The following ZNF469 variants were observed in gnomAD, a reference collection of about 807,000 sequenced individuals.
The protein encoded by ZNF469 is zinc finger protein 469.
Under a neutral mutation model 1.0 loss-of-function variants are expected in ZNF469, and 1 was observed. The observed-to-expected ratio is 1.00, with a 90% CI of 0.35 to 4.73. ZNF469 has a LOEUF of 4.73. Ranked by LOEUF, ZNF469 falls within the 30% of genes most tolerant of loss-of-function variation. ZNF469 has a pLI of 0.16. For synonymous variants in ZNF469, 2,703 were observed against 2,363.4 expected (o/e 1.14, Z -4.17); for missense variants, 6,100 against 5,356.3 (o/e 1.14, Z -4.33).
the ZNF469 span, among the ~76,000 whole-genome samples, chr16:88,208,768 CGCGT>C: frequency 0.57 from 54,207 of 94,394 alleles, 12,072 homozygotes; most frequent in South Asian, 0.62. Flanking sequence ...ATAGTAAATG[CGCGT>C]GCGCGCGCAC....
chr16:88,236,219 G>C, the ZNF469 span, among the ~76,000 whole-genome samples: 1 of 152,274 alleles, frequency 6.6e-6, no homozygotes, highest in Non-Finnish European at 1.5e-5. Flanking sequence ...GGAAAGGGAA[G>C]AGGATTCTCT....
the ZNF469 span, among the ~76,000 whole-genome samples, chr16:88,358,158 G>A: frequency 6.6e-6 from 1 of 152,208 alleles, no homozygotes; most frequent in African/African-American, 2.4e-5. Flanking sequence ...GCACTGCAGC[G>A]TGGGCGTCAG....
chr16:88,208,273 C>T, the ZNF469 span, among the ~76,000 whole-genome samples: 2 of 151,800 alleles, frequency 1.3e-5, no homozygotes, highest in African/African-American at 2.4e-5. Context: ...AGCTCATCTG[C>T]GCTTTCCCTG....
At position 88,392,368 on chromosome 16, in the gene ZNF469, G is replaced by A. The variant is rs1302524099; in HGVS notation, c.-192+9114G>A. ...GCAATCCTGATGCCAAACGCCTAGC[G>A]TAGGTGCCTCCTCCCCAGCCCAGCC... On this transcript the variant is annotated intron_variant, in intron 1 of 2. Coordinates refer to ENST00000565624, the MANE Select transcript of ZNF469 (RefSeq NM_001367624.2). Among the ~76,000 whole-genome samples the A allele has an allele frequency of 5.3e-5, 8 of 152,368 alleles. No homozygotes were observed. In the South Asian group the frequency reaches 1.0e-3, roughly 20 times the overall value.
chr16:88,251,500 T>C, the ZNF469 span, among the ~76,000 whole-genome samples: 1 of 148,272 alleles, frequency 6.7e-6, no homozygotes, highest in African/African-American at 2.5e-5. Flanking sequence ...AGGACAAACA[T>C]TGCCATCTCT....
the ZNF469 span, among the ~76,000 whole-genome samples, chr16:88,311,801 C>T: frequency 6.6e-6 from 1 of 152,192 alleles, no homozygotes. Context: ...CCAACAAGGA[C>T]ATATTGATTT....
At chr16:88,374,698 A>AGTGGGCTGAGCTCAGCACCATGTGCG in the ZNF469 span, among the ~76,000 whole-genome samples, 2 of 120,152 alleles carry the variant, frequency 1.7e-5, no homozygotes, top group African/African-American at 3.9e-5. Flanking sequence ...CTGCGTGTGC[A>AGTGGGCTGAGCTCAGCACCATGTGCG]GTGGGCTGAG....
the ZNF469 span, among the ~76,000 whole-genome samples, chr16:88,263,372 C>T: frequency 2.4e-4 from 37 of 152,222 alleles, no homozygotes; most frequent in African/African-American, 8.7e-4. Context: ...GAGGTGAGTC[C>T]TCTGTGAATC....
intron 1 of ZNF469, among the ~76,000 whole-genome samples, chr16:88,398,371 A>G (rs1447668234): frequency 6.6e-6 from 1 of 150,862 alleles, no homozygotes; most frequent in Non-Finnish European, 1.5e-5. Context: ...ATGAAGGAGG[A>G]CCCGTGAGCC....
At chr16:88,272,741 G>A in the ZNF469 span, among the ~76,000 whole-genome samples, 1 of 149,640 alleles carries the variant, frequency 6.7e-6, no homozygotes, top group Non-Finnish European at 1.5e-5. Context: ...TGGACGGATG[G>A]ATGAACGGGT....
the ZNF469 span, among the ~76,000 whole-genome samples, chr16:88,363,648 C>T: frequency 1.1e-4 from 16 of 152,318 alleles, no homozygotes; most frequent in Admixed American, 2.6e-4. Flanking sequence ...CTGGTTTTTC[C>T]ACCCAGCAAG....
chr16:88,207,734 C>T, the ZNF469 span, among the ~76,000 whole-genome samples: 2 of 144,400 alleles, frequency 1.4e-5, no homozygotes, highest in African/African-American at 5.0e-5. Context: ...GGCCGCATCG[C>T]TCCCGTCCCC....
At chr16:88,355,544 G>T in the ZNF469 span, among the ~76,000 whole-genome samples, 4 of 152,238 alleles carry the variant, frequency 2.6e-5, no homozygotes, top group Non-Finnish European at 5.9e-5. Context: ...CGATCCTGGG[G>T]GTGGGTGAGG....
chr16:88,214,206 C>T, the ZNF469 span, among the ~76,000 whole-genome samples: 1 of 152,076 alleles, frequency 6.6e-6, no homozygotes, highest in Non-Finnish European at 1.5e-5. Context: ...GATAGGATAC[C>T]CCCCGAAGGA....
chr16:88,377,007 C>A, the ZNF469 span, among the ~76,000 whole-genome samples: 1 of 152,272 alleles, frequency 6.6e-6, no homozygotes, highest in Non-Finnish European at 1.5e-5. Flanking sequence ...CACCAGAAGG[C>A]CAGGCCCCAG....
chr16:88,298,286 G>A, the ZNF469 span, among the ~76,000 whole-genome samples: 1 of 152,204 alleles, frequency 6.6e-6, no homozygotes, highest in African/African-American at 2.4e-5. Flanking sequence ...GGGCTTCCCG[G>A]ACCAAGAACA....
the ZNF469 span, among the ~76,000 whole-genome samples, chr16:88,267,408 C>T: frequency 6.6e-6 from 1 of 152,240 alleles, no homozygotes; most frequent in East Asian, 1.9e-4. Flanking sequence ...GACGCACACC[C>T]CTGGACACAG....
At chr16:88,112,306 G>C in the ZNF469 span, among the ~76,000 whole-genome samples, 1 of 152,156 alleles carries the variant, frequency 6.6e-6, no homozygotes, top group Non-Finnish European at 1.5e-5. Context: ...ACCAAGCAGT[G>C]GTATTGCTGG....
At chr16:88,140,608 A>G in the ZNF469 span, among the ~76,000 whole-genome samples, 3 of 152,240 alleles carry the variant, frequency 2.0e-5, no homozygotes, top group Admixed American at 6.5e-5. Flanking sequence ...TTAATCCAGG[A>G]GGAATTTCAG....
Sources: gnomAD v4.1 joint callset for allele counts (sites outside exome capture counted in the v4.1 genomes callset) on GRCh38, gnomAD v4.1.1 for gene constraint, MANE v1.5 for transcripts, NCBI Gene and HGNC (gene_info 2026-07-23, HGNC 2026-07-21) for gene names.